The following RIMS2 variants were observed in gnomAD, a reference collection of about 807,000 sequenced individuals.
RIMS2 encodes regulating synaptic membrane exocytosis protein 2.
In RIMS2, 59 loss-of-function variants were observed where a neutral mutation model predicts 174.4. The ratio of observed to expected loss-of-function variants is 0.34; its 90% CI spans 0.27 to 0.42. The LOEUF is 0.42. RIMS2 is among the 10% of genes least tolerant of loss of function. The pLI is 1.00. For synonymous variants in RIMS2, 606 were observed against 572.5 expected, an observed-to-expected ratio of 1.06 and a Z score of -0.84; for missense variants, 1,620 against 1,666.3, an observed-to-expected ratio of 0.97 and a Z score of 0.48.
chr8:104,083,961 T>G (rs1419137343), intron 19 of RIMS2, among the ~76,000 whole-genome samples: 1 of 152,112 alleles, frequency 6.6e-6, no homozygotes, highest in East Asian at 1.9e-4. Flanking sequence ...ATGTTATATA[T>G]TATCTGTAAA....
At chr8:104,203,196 A>G (rs115833011) in intron 19 of RIMS2, among the ~76,000 whole-genome samples, 3,083 of 152,278 alleles carry the variant, frequency 0.02, 102 homozygotes, top group African/African-American at 0.068. Flanking sequence ...TTTTATCAGA[A>G]ATGAATTTTC....
intron 1 of RIMS2, among the ~76,000 whole-genome samples, chr8:103,693,957 A>G (rs572037773): frequency 6.6e-6 from 1 of 152,316 alleles, no homozygotes; most frequent in South Asian, 2.1e-4. Flanking sequence ...GGATGGACCC[A>G]GAGTCCATGG....
chr8:103,786,785 G>A (rs2154437770), intron 3 of RIMS2, among the ~76,000 whole-genome samples: 1 of 152,320 alleles, frequency 6.6e-6, no homozygotes, highest in East Asian at 1.9e-4. Flanking sequence ...TGTCTATTAA[G>A]TCCGCTTGGT....
At chr8:103,909,222 C>A in intron 4 of RIMS2, among the ~76,000 whole-genome samples, 1 of 151,688 alleles carries the variant, frequency 6.6e-6, no homozygotes, top group East Asian at 1.9e-4. Flanking sequence ...CAATACATAC[C>A]AAATGGAAGG....
At chr8:103,880,360 C>T (rs976039785) in intron 3 of RIMS2, 2 of 245,292 alleles carry the variant, frequency 8.2e-6, no homozygotes, top group Non-Finnish European at 1.5e-5. Context: ...ATCCTCCTTA[C>T]AGGGTACATT....
At chr8:103,514,388 A>G (rs571180401) in intron 1 of RIMS2, among the ~76,000 whole-genome samples, 20 of 152,352 alleles carry the variant, frequency 1.3e-4, no homozygotes, top group Admixed American at 3.3e-4. Flanking sequence ...TTCCACATGT[A>G]GAAAACAATA....
At chr8:103,713,238 C>T (rs532730143) in intron 2 of RIMS2, among the ~76,000 whole-genome samples, 23 of 152,294 alleles carry the variant, frequency 1.5e-4, no homozygotes, top group Admixed American at 1.2e-3. Context: ...AGGCTGGTCT[C>T]GAACTACTGA....
At chr8:103,581,252 T>A (rs1402518684) in intron 1 of RIMS2, among the ~76,000 whole-genome samples, 1 of 152,090 alleles carries the variant, frequency 6.6e-6, no homozygotes, top group Non-Finnish European at 1.5e-5. Context: ...GCAAACCAAA[T>A]TCAACAACAC....
chr8:104,163,752 G>A (rs1055161611), intron 19 of RIMS2, among the ~76,000 whole-genome samples: 3 of 152,134 alleles, frequency 2.0e-5, no homozygotes, highest in African/African-American at 7.2e-5. Flanking sequence ...ATGTAAAAGG[G>A]TGGTTTTGGT....
chr8:103,623,636 C>T (rs1167411586), intron 1 of RIMS2, among the ~76,000 whole-genome samples: 12 of 149,642 alleles, frequency 8.0e-5, no homozygotes, highest in African/African-American at 3.0e-4. Context: ...AGGCGCCCGC[C>T]ACCACGCCCG....
intron 2 of RIMS2, among the ~76,000 whole-genome samples, chr8:103,718,748 A>G (rs988694547): frequency 1.3e-5 from 2 of 151,892 alleles, no homozygotes; most frequent in African/African-American, 4.8e-5. Context: ...GCTCACTGCA[A>G]TCTCCACCTC....
At chr8:104,180,548 GAGA>G (rs892184164) in intron 19 of RIMS2, among the ~76,000 whole-genome samples, 1 of 151,258 alleles carries the variant, frequency 6.6e-6, no homozygotes, top group African/African-American at 2.4e-5. Flanking sequence ...CAGGAAGGAG[GAGA>G]AGAAGCAATT....
chr8:104,175,657 C>T (rs2098883888), intron 19 of RIMS2, among the ~76,000 whole-genome samples: 1 of 152,052 alleles, frequency 6.6e-6, no homozygotes. Flanking sequence ...AATCCCCAAA[C>T]CACATTGAAA....
intron 2 of RIMS2, among the ~76,000 whole-genome samples, chr8:103,711,268 G>A (rs1044834192): frequency 2.6e-5 from 4 of 152,162 alleles, no homozygotes; most frequent in Non-Finnish European, 4.4e-5. Flanking sequence ...ATTCCAGAAT[G>A]TGTTGTCCTC....
Position 103,635,301 on chromosome 8 carries a change from G to T in RIMS2, c.177-61785G>T, listed in dbSNP as rs147242221. On this transcript the variant is annotated intron_variant, in intron 1 of 23. Coordinates refer to ENST00000504942, the Ensembl canonical transcript of RIMS2. ...TAACATTTTCTTATCTGAAAAGACA[G>T]AGAGGCTTTCAGTTGTCCCTGGAGG... Among the ~76,000 whole-genome samples, 33 of 152,352 alleles carry T rather than the reference G, an allele frequency of 2.2e-4. No homozygotes were observed. The East Asian group carries it at 6.4e-3, about 29-fold the overall frequency.
chr8:104,107,214 C>T (rs1187737799), intron 19 of RIMS2, among the ~76,000 whole-genome samples: 2 of 152,136 alleles, frequency 1.3e-5, no homozygotes, highest in Non-Finnish European at 2.9e-5. Context: ...TGAAATGTGG[C>T]TTCTGGTTTC....
intron 19 of RIMS2, among the ~76,000 whole-genome samples, chr8:104,175,099 T>C (rs1422742468): frequency 6.6e-6 from 1 of 152,166 alleles, no homozygotes; most frequent in African/African-American, 2.4e-5. Flanking sequence ...ATACATACTC[T>C]TCTTTCTTGT....
chr8:103,903,944 A>G (rs1007945397), intron 4 of RIMS2, among the ~76,000 whole-genome samples: 3 of 152,140 alleles, frequency 2.0e-5, no homozygotes, highest in Non-Finnish European at 4.4e-5. Context: ...TTGCTTAGCT[A>G]TAATTAAGAA....
intron 3 of RIMS2, among the ~76,000 whole-genome samples, chr8:103,789,126 C>T (rs1297821533): frequency 4.6e-5 from 7 of 152,116 alleles, no homozygotes; most frequent in East Asian, 3.9e-4. Flanking sequence ...CGCCCTGCTT[C>T]GGCTCGTGCA....
Sources: allele counts gnomAD v4.1 joint callset (sites outside exome capture counted in the v4.1 genomes callset), GRCh38; gene constraint gnomAD v4.1.1; transcripts MANE v1.5; gene names NCBI Gene and HGNC (gene_info 2026-07-23, HGNC 2026-07-21).